The following GDI2 variants were observed in gnomAD, a reference collection of about 807,000 sequenced individuals.
GDI2 encodes rab GDP dissociation inhibitor beta.
In GDI2, 22 loss-of-function variants were observed where a neutral mutation model predicts 54.2. The ratio of observed to expected loss-of-function variants is 0.41; its 90% CI spans 0.29 to 0.58. The LOEUF (loss-of-function observed/expected upper bound fraction) is 0.58. GDI2 is among the 20% of genes least tolerant of loss of function. The probability of loss-of-function intolerance (pLI) is 0.35; values close to 1 mark genes in which losing one functional copy is unlikely to be tolerated. For synonymous variants in GDI2, 177 were observed against 182.1 expected (o/e 0.97, Z 0.23); for missense variants, 422 against 546.0 (o/e 0.77, Z 2.26).
chr10:5,791,987 T>A (rs1841028063), intron 4 of GDI2, among the ~76,000 whole-genome samples: 1 of 152,106 alleles, frequency 6.6e-6, no homozygotes, highest in Non-Finnish European at 1.5e-5. Context: ...ATATAGGATC[T>A]TGACTAATTA....
At chr10:5,795,076 T>G (rs1162677759) in intron 3 of GDI2, 57 bp from the exon 4 acceptor site, 8 of 1,030,892 alleles carry the variant, frequency 7.8e-6, no homozygotes, top group Non-Finnish European at 1.2e-5. Flanking sequence ...TAAAGAACAT[T>G]TACTAATACT....
chr10:5,765,879 A>T lies in GDI2; in HGVS notation c.*127T>A. 1.5e-6 allele frequency: 1 copy of T among 683,592 alleles called. No homozygotes were observed. The highest frequency in any genetic ancestry group is 2.4e-6 in the Non-Finnish European group (1 of 411,244). 42.3% of individuals were successfully genotyped at this position (683,592 alleles called of 1,614,324 possible). A position where few individuals can be genotyped will look rare whatever the true frequency, so the allele number is the denominator to read the frequency against. ...ATTAGAAAGGTGAAGGGGAGTATTT[A>T]CTGGCACAGCGCTCTTCATTCTCTC... On this transcript the variant is annotated 3_prime_UTR_variant, in exon 11 of 11. Transcript: ENST00000380191.
intron 7 of GDI2, among the ~76,000 whole-genome samples, chr10:5,772,320 T>G (rs1252657498): frequency 6.6e-6 from 1 of 152,220 alleles, no homozygotes; most frequent in Non-Finnish European, 1.5e-5. Flanking sequence ...AACCTAGTAA[T>G]GTACATGTCA....
chr10:5,794,188 A>ATATAT (rs1554789557), intron 4 of GDI2, among the ~76,000 whole-genome samples: 3 of 40,340 alleles, frequency 7.4e-5, no homozygotes, highest in African/African-American at 1.0e-4. Flanking sequence ...AAAAAAAAAA[A>ATATAT]ATATATATAT....
chr10:5,777,455 C>T (rs146019676), intron 6 of GDI2, among the ~76,000 whole-genome samples: 1 of 152,150 alleles, frequency 6.6e-6, no homozygotes, highest in Non-Finnish European at 1.5e-5. Flanking sequence ...GCCTGGGTGA[C>T]AGAGTGAGAC....
intron 6 of GDI2, among the ~76,000 whole-genome samples, chr10:5,781,229 A>G (rs1840746658): frequency 6.6e-6 from 1 of 151,768 alleles, no homozygotes; most frequent in Non-Finnish European, 1.5e-5. Context: ...CACTGTCTCA[A>G]GATGAATCAG....
chr10:5,804,835 T>TC (rs1841342326), intron 1 of GDI2, among the ~76,000 whole-genome samples: 1 of 151,522 alleles, frequency 6.6e-6, no homozygotes, highest in African/African-American at 2.4e-5. Context: ...TCTGGAGCTT[T>TC]TTTTTTTTTT....
At chr10:5,801,800 C>T (rs544145662) in intron 1 of GDI2, among the ~76,000 whole-genome samples, 2 of 152,232 alleles carry the variant, frequency 1.3e-5, no homozygotes, top group African/African-American at 4.8e-5. Flanking sequence ...TGCTTGAACC[C>T]AGGAATTTCA....
chr10:5,771,677 G>A (rs1285204190), intron 7 of GDI2, among the ~76,000 whole-genome samples: 1 of 151,962 alleles, frequency 6.6e-6, no homozygotes, highest in Non-Finnish European at 1.5e-5. Context: ...AACTTGAATT[G>A]CAAGATAAAT....
chr10:5,791,030 T>A (rs1840999490), intron 4 of GDI2, among the ~76,000 whole-genome samples: 1 of 152,018 alleles, frequency 6.6e-6, no homozygotes, highest in Non-Finnish European at 1.5e-5. Flanking sequence ...TAGGCATGCA[T>A]GGTGGGATAT....
At chr10:5,809,056 T>G (rs1841436014) in intron 1 of GDI2, among the ~76,000 whole-genome samples, 1 of 151,906 alleles carries the variant, frequency 6.6e-6, no homozygotes, top group African/African-American at 2.4e-5. Flanking sequence ...ACCAGCCTGA[T>G]CAATATGGTG....
chr10:5,773,880 G>C lies in GDI2; in HGVS notation c.781C>G (p.Gln261Glu). The C allele has an allele frequency of 6.5e-7, 1 of 1,549,904 alleles. No homozygotes were observed. ...LNKPIEEIIV[Q>E]NGKVIGVKSE... ...TTTACACCAATTACTTTTCCATTCT[G>C]TACAATGATTTCTTCAATGGGTTTA... Residue 261 changes from glutamine (Q) to glutamate (E), a missense_variant, in exon 7 of 11, where the codon CAG (glutamine) becomes GAG (glutamate). By Grantham distance (29) the Gln-to-Glu change is conservative. Transcript: ENST00000380191.
Position 5,768,093 on chromosome 10 carries a change from C to T in GDI2, c.991+120G>A. 1.3e-6 allele frequency: 1 copy of T among 772,378 alleles called. No homozygotes were observed. The highest frequency in any genetic ancestry group is 2.1e-6 in the Non-Finnish European group (1 of 467,154). The allele number at this position is 772,378 out of a possible 1,614,324, so 47.8% of individuals were successfully genotyped here. On this transcript the variant is annotated intron_variant, in intron 8 of 10. Coordinates refer to ENST00000380191, the MANE Select transcript of GDI2 (RefSeq NM_001494.4). The surrounding 1 kb of genome is among the most constrained non-coding windows in gnomAD (Gnocchi z 4.4). ...AGGAGGTACAAAGATTTTTTTCCCC[C>T]ATATGTAAACCAAGGTCTGTTCACT...
At chr10:5,770,858 CAGG>C (rs1284618563) in intron 7 of GDI2, among the ~76,000 whole-genome samples, 1 of 144,936 alleles carries the variant, frequency 6.9e-6, no homozygotes, top group Non-Finnish European at 1.5e-5. Context: ...CCCAGCTACT[CAGG>C]AGGTTGAGGC....
rs1202911884 is a variant in GDI2, at chr10:5,765,468, C to T, written c.*538G>A. On this transcript the variant is annotated 3_prime_UTR_variant, in exon 11 of 11. Coordinates refer to ENST00000380191, the MANE Select transcript of GDI2 (RefSeq NM_001494.4). ...GCTTTCTCCAAATGACTCCCTATGT[C>T]TGGGGTTTGGTTAGAATTTTATGCC... 6.5e-6 allele frequency: 1 copy of T among 152,696 alleles called. No homozygotes were observed. Among genetic ancestry groups the T allele is most frequent in the Non-Finnish European group, 1.5e-5 (1 of 68,166 alleles). The allele number at this position is 152,696 out of a possible 1,614,324, so 9.5% of individuals were successfully genotyped here. A position where few individuals can be genotyped will look rare whatever the true frequency, so the allele number is the denominator to read the frequency against.
intron 6 of GDI2, among the ~76,000 whole-genome samples, chr10:5,783,800 G>C (rs1240556437): frequency 6.6e-6 from 1 of 152,206 alleles, no homozygotes; most frequent in Non-Finnish European, 1.5e-5. Flanking sequence ...AGTTTCTGCT[G>C]AGAAATCTGT....
At chr10:5,799,429 A>T (rs1841218501) in intron 2 of GDI2, among the ~76,000 whole-genome samples, 1 of 152,218 alleles carries the variant, frequency 6.6e-6, no homozygotes, top group Admixed American at 6.5e-5. Context: ...AGGCAGACAG[A>T]TCACATGAGG....
chr10:5,768,143 T>C lies in GDI2; in HGVS notation c.991+70A>G, dbSNP rs1840402373. The stretch of plus-strand genomic sequence containing the variant: ...TAATACAGCATACAAAATTAGGAAT[T>C]TGGGATAAAACACAAAGCAAATTAT... On this transcript the variant is annotated intron_variant, in intron 8 of 10. Transcript: ENST00000380191. The surrounding 1 kb of genome is among the most constrained non-coding windows in gnomAD (Gnocchi z 4.4). 1 of 1,307,912 alleles carries C rather than the reference T, an allele frequency of 7.6e-7. No homozygotes were observed. Among genetic ancestry groups the C allele is most frequent in the Non-Finnish European group, 1.1e-6 (1 of 917,734 alleles). 81.0% of individuals were successfully genotyped at this position (1,307,912 alleles called of 1,614,324 possible). A position where few individuals can be genotyped will look rare whatever the true frequency, so the allele number is the denominator to read the frequency against.
At chr10:5,793,342 G>C (rs1841059572) in intron 4 of GDI2, among the ~76,000 whole-genome samples, 1 of 152,064 alleles carries the variant, frequency 6.6e-6, no homozygotes, top group Admixed American at 6.6e-5. Flanking sequence ...CTTCTATGAA[G>C]ATACTTTATT....
Sources: allele counts gnomAD v4.1 joint callset (sites outside exome capture counted in the v4.1 genomes callset), GRCh38; gene constraint gnomAD v4.1.1; non-coding constraint Gnocchi (gnomAD v3.1); transcripts MANE v1.5; gene names NCBI Gene and HGNC (gene_info 2026-07-23, HGNC 2026-07-21).